EYS: variants seen among roughly 807,000 people sequenced by gnomAD.
The protein encoded by EYS is EGF-like photoreceptor maintenance factor, also known as protein eyes shut homolog.
EYS carries 250 observed loss-of-function variants against 282.1 expected under a neutral mutation model. The observed-to-expected ratio is 0.89, with a 90% CI of 0.80 to 0.98. The LOEUF (loss-of-function observed/expected upper bound fraction) is 0.98, where lower values mean the gene tolerates loss of function less well. Among genes scored for constraint, EYS ranks in the 50% least tolerant of loss-of-function variants. The pLI is 0.00. For missense variants in EYS, 4,016 were observed against 3,709.0 expected, an observed-to-expected ratio of 1.08 and a Z score of -2.15; for synonymous variants, 1,355 against 1,282.9, an observed-to-expected ratio of 1.06 and a Z score of -1.20.
intron 26 of EYS, among the ~76,000 whole-genome samples, chr6:64,480,876 G>A (rs1296150886): frequency 1.3e-5 from 2 of 151,532 alleles, no homozygotes; most frequent in African/African-American, 2.4e-5. Flanking sequence ...AAAAAAATAT[G>A]TATTCATTCA....
At chr6:64,767,202 T>C (rs1773379547) in intron 22 of EYS, among the ~76,000 whole-genome samples, 1 of 152,118 alleles carries the variant, frequency 6.6e-6, no homozygotes, top group Non-Finnish European at 1.5e-5. Context: ...TTTTGATGTA[T>C]GTAATATATA....
intron 22 of EYS, among the ~76,000 whole-genome samples, chr6:64,804,972 C>A (rs1234038023): frequency 6.6e-6 from 1 of 151,964 alleles, no homozygotes; most frequent in African/African-American, 2.4e-5. Flanking sequence ...TTTTCAAATT[C>A]CAACTGCAAT....
chr6:64,776,438 T>C (rs1462737476), intron 22 of EYS, among the ~76,000 whole-genome samples: 1 of 152,082 alleles, frequency 6.6e-6, no homozygotes, highest in Non-Finnish European at 1.5e-5. Context: ...TAAGGAGACA[T>C]TTAAAAACAT....
At position 64,085,321 on chromosome 6, in the gene EYS, CGCGT is replaced by C. The variant is rs1289760007; in HGVS notation, c.6425-3323_6425-3320del. 3.5e-5 allele frequency among the ~76,000 whole-genome samples: 5 copies of C among 143,622 alleles called. No homozygotes were observed. The South Asian group carries it at 9.1e-4, about 26-fold the overall frequency. The allele number at this position is 143,622 out of a possible 152,430, so 94.2% of individuals were successfully genotyped here. A position where few individuals can be genotyped will look rare whatever the true frequency, so the allele number is the denominator to read the frequency against. ...CCCTCCTTCTCCTTCCAGACGCGCG[CGCGT>C]GCGCACGTGCGCGCGCACACACACA... On this transcript the variant is annotated intron_variant, in intron 31 of 42. Coordinates refer to ENST00000503581, the MANE Select transcript of EYS (RefSeq NM_001142800.2).
intron 12 of EYS, among the ~76,000 whole-genome samples, chr6:65,256,138 C>T (rs1489130849): frequency 6.6e-6 from 1 of 151,814 alleles, no homozygotes; most frequent in Admixed American, 6.6e-5. Flanking sequence ...AAAGGTGGCA[C>T]ATATACACAC....
At chr6:65,384,818 G>T (rs1765739521) in intron 7 of EYS, among the ~76,000 whole-genome samples, 1 of 151,642 alleles carries the variant, frequency 6.6e-6, no homozygotes, top group Admixed American at 6.6e-5. Flanking sequence ...GAAAAAACAT[G>T]ACAAATGTGA....
At chr6:65,079,854 A>AC (rs1774176584) in intron 12 of EYS, among the ~76,000 whole-genome samples, 1 of 151,994 alleles carries the variant, frequency 6.6e-6, no homozygotes, top group African/African-American at 2.4e-5. Flanking sequence ...TGATGATGTA[A>AC]CCTCCCTTAT....
At chr6:63,727,737 A>AAAAATATATATATATATATATATAT (rs1554164607) in intron 41 of EYS, among the ~76,000 whole-genome samples, 1 of 36,712 alleles carries the variant, frequency 2.7e-5, no homozygotes, top group Non-Finnish European at 4.3e-5. Context: ...AAAAAAAAAA[A>AAAAATATATATATATATATATATAT]ATATATATAT....
At chr6:65,006,961 T>C (rs1771688956) in intron 13 of EYS, among the ~76,000 whole-genome samples, 1 of 152,170 alleles carries the variant, frequency 6.6e-6, no homozygotes, top group African/African-American at 2.4e-5. Flanking sequence ...CAAGAATGCA[T>C]CTTGATGGGG....
At chr6:65,176,998 C>T (rs538690540) in intron 12 of EYS, among the ~76,000 whole-genome samples, 6 of 151,704 alleles carry the variant, frequency 4.0e-5, no homozygotes, top group East Asian at 3.9e-4. Context: ...TAACTTAGCA[C>T]TATGATAATT....
intron 2 of EYS, among the ~76,000 whole-genome samples, chr6:65,631,790 G>T (rs534406044): frequency 6.6e-6 from 1 of 152,238 alleles, no homozygotes; most frequent in East Asian, 1.9e-4. Flanking sequence ...ACTAGTAGGT[G>T]TTCCAGGAAC....
At chr6:64,281,824 G>T (rs1768319791) in intron 30 of EYS, among the ~76,000 whole-genome samples, 1 of 152,074 alleles carries the variant, frequency 6.6e-6, no homozygotes, top group African/African-American at 2.4e-5. Flanking sequence ...TGTATTAATA[G>T]AAGAAGGAAG....
At chr6:64,912,239 G>A (rs895242593) in intron 16 of EYS, among the ~76,000 whole-genome samples, 2 of 151,654 alleles carry the variant, frequency 1.3e-5, no homozygotes, top group East Asian at 1.9e-4. Context: ...GAAAAAAAAA[G>A]GGCCAAAAAG....
At chr6:64,506,840 C>A (rs898957838) in intron 26 of EYS, among the ~76,000 whole-genome samples, 3 of 142,244 alleles carry the variant, frequency 2.1e-5, no homozygotes, top group Non-Finnish European at 3.0e-5. Flanking sequence ...ACCCGGGAGG[C>A]GGAGCTTGTA....
chr6:65,612,705 G>A (rs1766043073), intron 2 of EYS, among the ~76,000 whole-genome samples: 1 of 151,254 alleles, frequency 6.6e-6, no homozygotes, highest in African/African-American at 2.4e-5. Context: ...AATCATAGAA[G>A]TTTTCTTTTC....
intron 31 of EYS, among the ~76,000 whole-genome samples, chr6:64,219,832 C>T (rs992431543): frequency 6.6e-6 from 1 of 152,114 alleles, no homozygotes; most frequent in African/African-American, 2.4e-5. Context: ...ACATATACAC[C>T]ATGGAACACT....
At chr6:65,390,368 G>C (rs1042652191) in intron 7 of EYS, among the ~76,000 whole-genome samples, 20 of 151,328 alleles carry the variant, frequency 1.3e-4, no homozygotes, top group Non-Finnish European at 2.9e-5. Context: ...GAGAGGGGGA[G>C]GGGGAGAGAG....
chr6:64,987,603 A>G (rs895789662), intron 14 of EYS, among the ~76,000 whole-genome samples: 1 of 151,482 alleles, frequency 6.6e-6, no homozygotes, highest in Non-Finnish European at 1.5e-5. Context: ...CAGCATATGT[A>G]GGACAGAAAG....
chr6:65,354,163 T>A (rs1419300296), intron 8 of EYS, among the ~76,000 whole-genome samples: 2 of 152,130 alleles, frequency 1.3e-5, no homozygotes, highest in Admixed American at 1.3e-4. Flanking sequence ...CCATTTTAGG[T>A]CACATTGAGG....
Sources: gnomAD v4.1 joint callset for allele counts (sites outside exome capture counted in the v4.1 genomes callset) on GRCh38, gnomAD v4.1.1 for gene constraint, MANE v1.5 for transcripts, NCBI Gene and HGNC (gene_info 2026-07-23, HGNC 2026-07-21) for gene names.